Variants in SLC6A5 observed in about 807,000 individuals in gnomAD.
SLC6A5 encodes sodium- and chloride-dependent glycine transporter 2.
A neutral mutation model predicts 90.5 loss-of-function variants in SLC6A5; 58 were observed. The ratio of observed to expected loss-of-function variants is 0.64; its 90% CI spans 0.52 to 0.80. The LOEUF (loss-of-function observed/expected upper bound fraction) is 0.80, where lower values mean the gene tolerates loss of function less well. Among genes scored for constraint, SLC6A5 ranks in the 30% least tolerant of loss-of-function variants. SLC6A5 has a pLI of 0.00. For synonymous variants in SLC6A5, 427 were observed against 401.4 expected, an observed-to-expected ratio of 1.06 and a Z score of -0.76; for missense variants, 1,015 against 1,017.6, an observed-to-expected ratio of 1.00 and a Z score of 0.03.
chr11:20,651,776 A>C (rs1853537080), intron 14 of SLC6A5, among the ~76,000 whole-genome samples: 1 of 152,002 alleles, frequency 6.6e-6, no homozygotes, highest in Non-Finnish European at 1.5e-5. Context: ...GGTGTGTGGC[A>C]TACATCTGTA....
At chr11:20,645,013 A>G (rs964806392) in intron 13 of SLC6A5, among the ~76,000 whole-genome samples, 1 of 151,694 alleles carries the variant, frequency 6.6e-6, no homozygotes, top group Middle Eastern at 3.2e-3. Context: ...GGGTTTCACT[A>G]AGTTGGCCAG....
intron 10 of SLC6A5, among the ~76,000 whole-genome samples, chr11:20,631,218 C>T (rs551662499): frequency 3.3e-5 from 5 of 152,286 alleles, no homozygotes; most frequent in East Asian, 3.9e-4. Context: ...AAGGCCCTGT[C>T]GAAACCAAGG....
chr11:20,644,442 C>T (rs1369731122), intron 13 of SLC6A5, among the ~76,000 whole-genome samples: 2 of 152,182 alleles, frequency 1.3e-5, no homozygotes, highest in Non-Finnish European at 2.9e-5. Context: ...AATGGTACGC[C>T]GTTGTGTATG....
At chr11:20,615,517 G>C (rs1032149720) in intron 6 of SLC6A5, among the ~76,000 whole-genome samples, 2 of 152,110 alleles carry the variant, frequency 1.3e-5, no homozygotes, top group South Asian at 4.1e-4. Flanking sequence ...ACAGGCGCGT[G>C]CCACCATGCT....
intron 1 of SLC6A5, among the ~76,000 whole-genome samples, chr11:20,600,859 A>C (rs892465183): frequency 1.1e-4 from 16 of 152,286 alleles, no homozygotes; most frequent in African/African-American, 3.4e-4. Flanking sequence ...TTCCCCCTTT[A>C]CCCTTACAAA....
At chr11:20,605,241 G>C (rs1852556384) in intron 3 of SLC6A5, among the ~76,000 whole-genome samples, 1 of 152,262 alleles carries the variant, frequency 6.6e-6, no homozygotes, top group Admixed American at 6.5e-5. Flanking sequence ...CTTCTCAACC[G>C]GACCGAAGGG....
chr11:20,610,227 T>A (rs1010593674), intron 5 of SLC6A5, among the ~76,000 whole-genome samples: 4 of 152,240 alleles, frequency 2.6e-5, no homozygotes, highest in African/African-American at 9.6e-5. Flanking sequence ...CAGAGCTCTC[T>A]GATGAGATGG....
intron 10 of SLC6A5, among the ~76,000 whole-genome samples, 186 bp from the exon 11 acceptor site, chr11:20,636,121 T>C (rs1187234750): frequency 2.0e-5 from 3 of 152,196 alleles, no homozygotes; most frequent in Non-Finnish European, 4.4e-5. Context: ...TCCTTTGGTC[T>C]TCCCCTTCAA....
At position 20,654,979 on chromosome 11, in the gene SLC6A5, G is replaced by A; in HGVS notation, c.*111G>A. 8.7e-7 allele frequency: 1 copy of A among 1,153,544 alleles called. No homozygotes were observed. The highest frequency in any genetic ancestry group is 2.3e-5 in the East Asian group (1 of 42,846). 71.5% of individuals were successfully genotyped at this position (1,153,544 alleles called of 1,614,324 possible). A position where few individuals can be genotyped will look rare whatever the true frequency, so the allele number is the denominator to read the frequency against. ...TCTTCATCTTTCTTCCTACATCTTGGTTCACATCCACGCATGAGAGTGATT... is the reference window on the plus strand; with the variant it reads ...TCTTCATCTTTCTTCCTACATCTTGATTCACATCCACGCATGAGAGTGATT... On this transcript the variant is annotated 3_prime_UTR_variant, in exon 16 of 16. Coordinates refer to ENST00000525748, the MANE Select transcript of SLC6A5 (RefSeq NM_004211.5).
At position 20,657,076 on chromosome 11, in the gene SLC6A5, T is replaced by A. The variant is rs1853646049; in HGVS notation, c.*2208T>A. The stretch of plus-strand genomic sequence containing the variant: ...AATTAGCATTCTCTCATGGGACTGG[T>A]ATGTTTGTGTCAGGATGAATGGTTT... On this transcript the variant is annotated 3_prime_UTR_variant, in exon 16 of 16. Transcript: ENST00000525748. 6.6e-6 allele frequency: 1 copy of A among 152,138 alleles called. No homozygotes were observed. The allele number at this position is 152,138 out of a possible 1,614,324, so 9.4% of individuals were successfully genotyped here.
rs535454089 is a variant in SLC6A5 at position 20,605,885 on chromosome 11, G to A, written c.680-1122G>A. On this transcript the variant is annotated intron_variant, in intron 3 of 15. Transcript: ENST00000525748. ...TCTTGAGAGGATAAAGCAGGACCCC[G>A]GTTTTACTGCCCAGCAGCCGGCGGC... Among the ~76,000 whole-genome samples, 291 of 152,354 alleles carry A rather than the reference G, an allele frequency of 1.9e-3. 1 individual carries two copies. Among genetic ancestry groups the A allele is most frequent in the South Asian group, 6.0e-3 (29 of 4,834 alleles).
intron 14 of SLC6A5, 124 bp downstream of exon 14, chr11:20,647,058 G>T: frequency 1.3e-6 from 1 of 758,656 alleles, no homozygotes; most frequent in South Asian, 1.5e-5. Flanking sequence ...TGGTAGGTTG[G>T]GTGGTGGTCT....
intron 14 of SLC6A5, among the ~76,000 whole-genome samples, chr11:20,648,208 A>G (rs1276546129): frequency 3.9e-5 from 6 of 152,180 alleles, no homozygotes; most frequent in African/African-American, 1.2e-4. Context: ...TTGTTTTGCT[A>G]TTACACATGG....
At chr11:20,599,780 G>T in intron 1 of SLC6A5, 105 bp downstream of exon 1, 1 of 1,320,038 alleles carries the variant, frequency 7.6e-7, no homozygotes. Context: ...CATTGGGTGG[G>T]GGGAAAGGGG....
intron 1 of SLC6A5, among the ~76,000 whole-genome samples, chr11:20,600,525 T>C (rs1852450002): frequency 6.6e-6 from 1 of 152,198 alleles, no homozygotes; most frequent in Non-Finnish European, 1.5e-5. Context: ...GTCTTAAATT[T>C]AGTTTATTAT....
At chr11:20,629,098 T>G (rs1423257340) in intron 9 of SLC6A5, 4 of 151,906 alleles carry the variant, frequency 2.6e-5, no homozygotes, top group Non-Finnish European at 5.9e-5. Context: ...GATTTCAGTG[T>G]AGCCCTGGGT....
chr11:20,655,077 T>TGTTTCTG lies in SLC6A5; in HGVS notation c.*211_*212insTTCTGGT. 1.7e-6 allele frequency: 1 copy of TGTTTCTG among 598,788 alleles called. No homozygotes were observed. The highest frequency in any genetic ancestry group is 3.1e-6 in the Non-Finnish European group (1 of 327,018). 37.1% of individuals were successfully genotyped at this position (598,788 alleles called of 1,614,324 possible). On this transcript the variant is annotated 3_prime_UTR_variant, in exon 16 of 16. Coordinates refer to ENST00000525748, the MANE Select transcript of SLC6A5 (RefSeq NM_004211.5). ...TAGACCACCTGAAGCGCTGTTTGCC[T>TGTTTCTG]GTGCCCATGGTGACTGTTTCTGGTC...
chr11:20,645,098 C>T (rs1853386419), intron 13 of SLC6A5, among the ~76,000 whole-genome samples: 1 of 152,066 alleles, frequency 6.6e-6, no homozygotes, highest in African/African-American at 2.4e-5. Flanking sequence ...CAGGATAGAG[C>T]CACCATGCCT....
At chr11:20,646,812 T>C in intron 13 of SLC6A5, 22 bp from the exon 14 acceptor site, 2 of 1,555,432 alleles carry the variant, frequency 1.3e-6, no homozygotes, top group Non-Finnish European at 1.8e-6. Flanking sequence ...CTTATACCTG[T>C]TCTCTGCTTG....
Sources: gnomAD v4.1 joint callset for allele counts (sites outside exome capture counted in the v4.1 genomes callset) on GRCh38, gnomAD v4.1.1 for gene constraint, MANE v1.5 for transcripts, NCBI Gene and HGNC (gene_info 2026-07-23, HGNC 2026-07-21) for gene names.